The following CFI variants were observed in gnomAD, a reference collection of about 807,000 sequenced individuals.
The protein encoded by CFI is C3B/C4B inactivator.
A neutral mutation model predicts 78.8 loss-of-function variants in CFI; 66 were observed. The ratio of observed to expected loss-of-function variants is 0.84; its 90% CI spans 0.69 to 1.03. The LOEUF is 1.03. Ranked by LOEUF, CFI falls within the 50% of genes least tolerant of loss-of-function variation. The probability of loss-of-function intolerance (pLI) is 0.00; values close to 1 mark genes in which losing one functional copy is unlikely to be tolerated. For missense variants in CFI, 706 were observed against 704.5 expected, an observed-to-expected ratio of 1.00 and a Z score of -0.02; for synonymous variants, 250 against 232.6, an observed-to-expected ratio of 1.07 and a Z score of -0.68.
chr4:109,748,337 C>T (rs937162974), intron 10 of CFI, among the ~76,000 whole-genome samples: 1 of 152,084 alleles, frequency 6.6e-6, no homozygotes, highest in Non-Finnish European at 1.5e-5. Context: ...CAGAAATGAG[C>T]AAAATCAGAA....
At chr4:109,787,936 A>G (rs1466057753) in intron 1 of CFI, among the ~76,000 whole-genome samples, 1 of 152,092 alleles carries the variant, frequency 6.6e-6, no homozygotes, top group African/African-American at 2.4e-5. Flanking sequence ...ATGTGCCTGT[A>G]AAAGTTATGT....
intron 4 of CFI, 24 bp from the exon 5 acceptor site, chr4:109,760,660 T>G (rs1332124595): frequency 1.0e-5 from 14 of 1,349,904 alleles, no homozygotes; most frequent in Non-Finnish European, 1.5e-5. Context: ...ATTATCTTTG[T>G]GAAATTTATT....
chr4:109,767,339 T>C (rs866243301), intron 1 of CFI, among the ~76,000 whole-genome samples: 85 of 151,810 alleles, frequency 5.6e-4, no homozygotes, highest in Middle Eastern at 3.2e-3. Context: ...TCAGAGTGAA[T>C]AGGCAACCCA....
the CFI span, among the ~76,000 whole-genome samples, chr4:109,735,068 C>G: frequency 1.3e-5 from 2 of 152,094 alleles, no homozygotes; most frequent in Admixed American, 1.3e-4. Flanking sequence ...CCTCCTACTT[C>G]AGCCTCCTGA....
intron 3 of CFI, chr4:109,762,578 T>C (rs1727226507): frequency 6.6e-6 from 1 of 152,108 alleles, no homozygotes; most frequent in Non-Finnish European, 1.5e-5. Flanking sequence ...TGAGCAAAGA[T>C]GCATCAGGTA....
At chr4:109,776,490 A>G (rs1157755102) in intron 1 of CFI, among the ~76,000 whole-genome samples, 2 of 152,222 alleles carry the variant, frequency 1.3e-5, no homozygotes, top group East Asian at 1.9e-4. Context: ...ACAAATCTAC[A>G]TCTGATTGAT....
chr4:109,768,066 G>C (rs1728011228), intron 1 of CFI, among the ~76,000 whole-genome samples: 1 of 146,440 alleles, frequency 6.8e-6, no homozygotes, highest in African/African-American at 2.5e-5. Flanking sequence ...CTCACTCATA[G>C]GTGGGAATTG....
chr4:109,788,194 A>G (rs948721569), intron 1 of CFI, among the ~76,000 whole-genome samples: 1 of 152,156 alleles, frequency 6.6e-6, no homozygotes, highest in African/African-American at 2.4e-5. Flanking sequence ...TATATAATAC[A>G]CATCATTTCT....
chr4:109,780,855 G>C (rs1729924261), intron 1 of CFI, among the ~76,000 whole-genome samples: 1 of 152,152 alleles, frequency 6.6e-6, no homozygotes, highest in Non-Finnish European at 1.5e-5. Flanking sequence ...TAGGGACATG[G>C]ATGAAGCTAG....
chr4:109,737,566 A>T (rs576875072), downstream of CFI, among the ~76,000 whole-genome samples: 1 of 152,154 alleles, frequency 6.6e-6, no homozygotes, highest in Admixed American at 6.5e-5. Context: ...TCCACATCCA[A>T]TGAGTTGTGT....
chr4:109,754,119 G>A (rs56042448), intron 7 of CFI, among the ~76,000 whole-genome samples: 3,018 of 151,626 alleles, frequency 0.02, 48 homozygotes, highest in Non-Finnish European at 0.029. Flanking sequence ...GAGTAGCTGG[G>A]ATTACAGGTG....
At chr4:109,751,311 T>A (rs1044821064) in intron 8 of CFI, among the ~76,000 whole-genome samples, 6 of 151,976 alleles carry the variant, frequency 3.9e-5, no homozygotes, top group Non-Finnish European at 7.4e-5. Flanking sequence ...GGAAGAGGGA[T>A]CTCATGCTCT....
Position 109,741,021 on chromosome 4 carries a change from C to T in CFI, c.1624G>A (p.Gly542Ser), listed in dbSNP as rs747755806. The part of the protein sequence containing the change: ...MDANNVTYVW[G>S]VVSWGENCGK... Reference sequence around the variant, plus strand: ...CAGTTTTCCCCCCAACTCACAACACCCCAGACATAAGTCACATTGTTGGCA... The same window carrying T: ...CAGTTTTCCCCCCAACTCACAACACTCCAGACATAAGTCACATTGTTGGCA... The change falls in exon 13 of 13, where the codon GGT (glycine) becomes AGT (serine). Residue 542 changes from glycine to serine, a missense_variant. By Grantham distance (56) the Gly-to-Ser change is moderately conservative. Transcript: ENST00000394634. 4.3e-6 allele frequency: 7 copies of T among 1,614,076 alleles called. No homozygotes were observed. Among genetic ancestry groups the T allele is most frequent in the Non-Finnish European group, 5.9e-6 (7 of 1,180,018 alleles).
chr4:109,754,429 A>G (rs549059099), intron 7 of CFI, among the ~76,000 whole-genome samples: 2,348 of 129,598 alleles, frequency 0.018, 81 homozygotes, highest in African/African-American at 0.062. Context: ...AAAAAAAAGA[A>G]TCTTCTTTTT....
Position 109,750,379 on chromosome 4 carries a change from T to C in CFI, c.941-777A>G, listed in dbSNP as rs180918646. The stretch of plus-strand genomic sequence containing the variant: ...ACATAGTGATACTCTTATTAAGTAC[T>C]TTCTATATGTCAGGCCCCATACTGA... On this transcript the variant is annotated intron_variant, in intron 8 of 12. Coordinates refer to ENST00000394634, the MANE Select transcript of CFI (RefSeq NM_000204.5). Among the ~76,000 whole-genome samples, 33 of 152,296 alleles carry C rather than the reference T, an allele frequency of 2.2e-4. 1 individual carries two copies. The highest frequency in any genetic ancestry group is 1.7e-3 in the East Asian group (9 of 5,184).
the CFI span, among the ~76,000 whole-genome samples, chr4:109,735,302 A>G: frequency 6.6e-6 from 1 of 152,208 alleles, no homozygotes; most frequent in Non-Finnish European, 1.5e-5. Context: ...TAATCAGGAT[A>G]GGCAGTCAGA....
chr4:109,774,382 G>A (rs532034267), intron 1 of CFI, among the ~76,000 whole-genome samples: 1 of 151,538 alleles, frequency 6.6e-6, no homozygotes, highest in African/African-American at 2.4e-5. Context: ...CCTTCCCTTG[G>A]ACTAGGAACC....
chr4:109,736,675 A>C (rs1723388584), downstream of CFI, among the ~76,000 whole-genome samples: 1 of 152,146 alleles, frequency 6.6e-6, no homozygotes, highest in South Asian at 2.1e-4. Context: ...TGCTTGGCAC[A>C]CAGGAGGGAT....
In CFI at chr4:109,758,932, A is replaced by G. The variant is rs532076647; in HGVS notation, c.884-1149T>C. 1.2e-4 allele frequency among the ~76,000 whole-genome samples: 18 copies of G among 152,310 alleles called. 1 individual carries two copies. The South Asian group carries it at 3.7e-3, about 32-fold the overall frequency. Reference sequence around the variant, plus strand: ...ATGTGGCGAAACTCTGTCTCTTCTAAAAACAGAAAAATTAGCCAAGCGTGA... The same window carrying G: ...ATGTGGCGAAACTCTGTCTCTTCTAGAAACAGAAAAATTAGCCAAGCGTGA... On this transcript the variant is annotated intron_variant, in intron 6 of 12. Coordinates refer to ENST00000394634, the MANE Select transcript of CFI (RefSeq NM_000204.5).
Sources: allele counts gnomAD v4.1 joint callset (sites outside exome capture counted in the v4.1 genomes callset), GRCh38; gene constraint gnomAD v4.1.1; transcripts MANE v1.5; gene names NCBI Gene and HGNC (gene_info 2026-07-23, HGNC 2026-07-21).